Variants in PRKCE observed in about 807,000 individuals in gnomAD.
PRKCE encodes protein kinase C epsilon.
PRKCE carries 16 observed loss-of-function variants against 85.4 expected under a neutral mutation model. The ratio of observed to expected loss-of-function variants is 0.19; its 90% confidence interval spans 0.13 to 0.28. The LOEUF is 0.28. PRKCE is among the 10% of genes least tolerant of loss of function. The probability of loss-of-function intolerance (pLI) is 1.00; values close to 1 mark genes in which losing one functional copy is unlikely to be tolerated. For missense variants in PRKCE, 573 were observed against 975.2 expected, an observed-to-expected ratio of 0.59 and a Z score of 5.49; for synonymous variants, 388 against 371.5, an observed-to-expected ratio of 1.04 and a Z score of -0.51.
chr2:45,763,675 G>A (rs1163270664), intron 1 of PRKCE, among the ~76,000 whole-genome samples: 5 of 152,084 alleles, frequency 3.3e-5, no homozygotes, highest in African/African-American at 9.7e-5. Flanking sequence ...GGCTCCCTCC[G>A]CTGTCTTTTG....
In PRKCE at chr2:45,762,738, A is replaced by G. The variant is rs112447513; in HGVS notation, c.349-80262A>G. On this transcript the variant is annotated intron_variant, in intron 1 of 14. Transcript: ENST00000306156. The stretch of plus-strand genomic sequence containing the variant: ...CTTATTTTATGCTAGGTCCAGTGCT[A>G]ATGCATTTGCTTATGTAATCTACCC... Among the ~76,000 whole-genome samples the G allele has an allele frequency of 4.0e-3, 602 of 152,264 alleles. 8 individuals carry two copies. Among genetic ancestry groups the G allele is most frequent in the African/African-American group, 0.014 (572 of 41,548 alleles).
chr2:46,053,640 G>A (rs187509338), intron 10 of PRKCE, among the ~76,000 whole-genome samples: 6 of 152,166 alleles, frequency 3.9e-5, no homozygotes, highest in East Asian at 3.9e-4. Context: ...ACTTAGCACC[G>A]TGTCCTCGAG....
chr2:45,661,530 GTTTTT>G (rs11406618), intron 1 of PRKCE, among the ~76,000 whole-genome samples: 1 of 104,816 alleles, frequency 9.5e-6, no homozygotes, highest in African/African-American at 3.5e-5. Flanking sequence ...TTTGTTTTTT[GTTTTT>G]TTTTTTTTTT....
intron 2 of PRKCE, among the ~76,000 whole-genome samples, chr2:45,862,644 G>A (rs1693259581): frequency 6.6e-6 from 1 of 152,160 alleles, no homozygotes; most frequent in Non-Finnish European, 1.5e-5. Flanking sequence ...GAAACCAATT[G>A]CCAAGTTACC....
intron 13 of PRKCE, among the ~76,000 whole-genome samples, chr2:46,153,931 C>T (rs1032417386): frequency 5.3e-5 from 8 of 151,892 alleles, no homozygotes; most frequent in Admixed American, 2.0e-4. Flanking sequence ...GGATTACAGG[C>T]GCCCACCACC....
chr2:45,817,923 G>C (rs1689214674), intron 1 of PRKCE, among the ~76,000 whole-genome samples: 1 of 152,202 alleles, frequency 6.6e-6, no homozygotes, highest in African/African-American at 2.4e-5. Flanking sequence ...CAAGCTACAG[G>C]CCGAGTTTCC....
Position 45,652,087 on chromosome 2 carries a change from T to C in PRKCE, c.-14T>C. ...CAGACGGAGTGACCCCGGCCCCCAC[T>C]CCCCGCCCCGACCATGGTAGTGTTC... is the stretch of plus-strand genomic sequence containing the variant. On this transcript the variant is annotated 5_prime_UTR_variant, in exon 1 of 15. Transcript: ENST00000306156. This position sits in a 1 kb window ranked among gnomAD's most constrained non-coding sequence, Gnocchi z 7.7. 4.2e-4 allele frequency: 318 copies of C among 748,370 alleles called. No homozygotes were observed. Among genetic ancestry groups the C allele is most frequent in the Non-Finnish European group, 6.2e-4 (296 of 475,630 alleles). 46.4% of individuals were successfully genotyped at this position (748,370 alleles called of 1,614,324 possible). A position where few individuals can be genotyped will look rare whatever the true frequency, so the allele number is the denominator to read the frequency against.
intron 4 of PRKCE, among the ~76,000 whole-genome samples, chr2:45,979,876 C>T (rs896015545): frequency 8.5e-5 from 13 of 152,166 alleles, no homozygotes; most frequent in African/African-American, 1.2e-4. Context: ...ACCTCTGCAC[C>T]GCCTGCTGCA....
At chr2:45,773,744 C>G (rs1402621384) in intron 1 of PRKCE, among the ~76,000 whole-genome samples, 3 of 152,144 alleles carry the variant, frequency 2.0e-5, no homozygotes, top group Non-Finnish European at 4.4e-5. Context: ...GTTACAGAGC[C>G]CCTGTTTGCC....
rs1280746016 is a variant in PRKCE at position 45,938,279 on chromosome 2, AG to A, written c.413-38144del. Among the ~76,000 whole-genome samples, 6 of 150,038 alleles carry A rather than the reference AG, an allele frequency of 4.0e-5. No individual in the cohort carries two copies. In the South Asian group the frequency reaches 1.3e-3, roughly 32 times the overall value. On this transcript the variant is annotated intron_variant, in intron 2 of 14. Transcript: ENST00000306156. ...AAGCTGGTGTAGATGGCTTGGCTGG[AG>A]GGGGGCTATCTGGCAATTCAATGCA...
At chr2:45,974,562 G>A (rs866432192) in intron 2 of PRKCE, among the ~76,000 whole-genome samples, 7 of 152,322 alleles carry the variant, frequency 4.6e-5, no homozygotes, top group Middle Eastern at 3.4e-3. Flanking sequence ...CTCAGAGGCT[G>A]CTGCGTCCTT....
chr2:46,025,997 G>A (rs1438258740), intron 10 of PRKCE, among the ~76,000 whole-genome samples: 3 of 152,118 alleles, frequency 2.0e-5, no homozygotes, highest in African/African-American at 7.2e-5. Context: ...AGCAAACTGG[G>A]GCCTTCCAAA....
intron 2 of PRKCE, among the ~76,000 whole-genome samples, chr2:45,900,403 G>T (rs776280737): frequency 6.6e-6 from 1 of 152,204 alleles, no homozygotes; most frequent in Non-Finnish European, 1.5e-5. Context: ...ACAAAATGTG[G>T]TCTATACATG....
At chr2:45,718,519 A>C (rs939458570) in intron 1 of PRKCE, among the ~76,000 whole-genome samples, 1 of 151,660 alleles carries the variant, frequency 6.6e-6, no homozygotes, top group Admixed American at 6.6e-5. Context: ...TAATTTTTGT[A>C]TTTTTGTAGA....
intron 11 of PRKCE, among the ~76,000 whole-genome samples, chr2:46,103,450 C>T (rs1260910029): frequency 6.6e-6 from 1 of 152,154 alleles, no homozygotes; most frequent in Non-Finnish European, 1.5e-5. Flanking sequence ...TCTCAAAGGA[C>T]AGAACAAGGA....
At chr2:46,148,131 C>T (rs1676262743) in intron 12 of PRKCE, among the ~76,000 whole-genome samples, 1 of 152,202 alleles carries the variant, frequency 6.6e-6, no homozygotes, top group South Asian at 2.1e-4. Context: ...CCCATGGCAC[C>T]CCCTCTGCTT....
Position 45,807,141 on chromosome 2 carries a change from G to A in PRKCE, c.349-35859G>A, listed in dbSNP as rs141906456. On this transcript the variant is annotated intron_variant, in intron 1 of 14. Coordinates refer to ENST00000306156, the MANE Select transcript of PRKCE (RefSeq NM_005400.3). Reference sequence around the variant, plus strand: ...TTGTTAGAGGTGTGATCTTGAGCAAGCCATGTAACTGGTCTCAGCCTCAGT... The same window carrying A: ...TTGTTAGAGGTGTGATCTTGAGCAAACCATGTAACTGGTCTCAGCCTCAGT... Among the ~76,000 whole-genome samples the A allele has an allele frequency of 2.2e-3, 340 of 152,330 alleles. 1 individual carries two copies. The highest frequency in any genetic ancestry group is 3.4e-3 in the Middle Eastern group (1 of 294).
chr2:45,884,440 GTTCTGCAATC>G (rs1553440098), intron 2 of PRKCE, among the ~76,000 whole-genome samples: 1 of 152,196 alleles, frequency 6.6e-6, no homozygotes, highest in Non-Finnish European at 1.5e-5. Flanking sequence ...AGATCTCCCT[GTTCTGCAATC>G]CTTGTGGTCT....
rs34853762 is a variant in PRKCE at position 45,655,846 on chromosome 2, G to GAA, written c.348+3422_348+3423dup. Among the ~76,000 whole-genome samples, 592 of 66,268 alleles carry GAA rather than the reference G, an allele frequency of 8.9e-3. 8 individuals are homozygous for GAA. The highest frequency in any genetic ancestry group is 0.017 in the Middle Eastern group (2 of 118). 43.5% of individuals were successfully genotyped at this position (66,268 alleles called of 152,430 possible). Reference sequence around the variant, plus strand: ...GTGACAGAGTGATACCCTGTCTCTTGAAAAAAAAAAAAAAAAAAAAAAAAA... The same window carrying GAA: ...GTGACAGAGTGATACCCTGTCTCTTGAAAAAAAAAAAAAAAAAAAAAAAAAAA... On this transcript the variant is annotated intron_variant, in intron 1 of 14. Transcript: ENST00000306156.
Sources: gnomAD v4.1 joint callset for allele counts (sites outside exome capture counted in the v4.1 genomes callset) on GRCh38, gnomAD v4.1.1 for gene constraint, Gnocchi (gnomAD v3.1) non-coding constraint, MANE v1.5 for transcripts, NCBI Gene and HGNC (gene_info 2026-07-23, HGNC 2026-07-21) for gene names.